Variants in COL6A5 observed in about 807,000 individuals in gnomAD.
The protein encoded by COL6A5 is collagen type VI alpha 5 chain, also known as collagen alpha-5(VI) chain.
In COL6A5, 48 loss-of-function variants were observed where a neutral mutation model predicts 65.6. The ratio of observed to expected loss-of-function variants is 0.73; its 90% CI spans 0.58 to 0.93. COL6A5 has a LOEUF of 0.93. Ranked by LOEUF, COL6A5 falls within the 40% of genes least tolerant of loss-of-function variation. COL6A5 has a pLI of 0.00. For missense variants in COL6A5, 914 were observed against 928.3 expected (o/e 0.98, Z 0.20); for synonymous variants, 291 against 322.8 (o/e 0.90, Z 1.05).
chr3:130,429,002 C>G (rs570552606), upstream of COL6A5, among the ~76,000 whole-genome samples: 1 of 152,166 alleles, frequency 6.6e-6, no homozygotes, highest in East Asian at 1.9e-4. Flanking sequence ...TTGAGGGAAC[C>G]AGATGCTGTT....
At chr3:130,367,519 T>C (rs1164055841) in intron 1 of COL6A5, among the ~76,000 whole-genome samples, 1 of 152,198 alleles carries the variant, frequency 6.6e-6, no homozygotes, top group Non-Finnish European at 1.5e-5. Context: ...TAAAGATGTA[T>C]CAAACATACT....
chr3:130,475,007 C>CAAAAAA (rs57263258), intron 7 of COL6A5, among the ~76,000 whole-genome samples: 1 of 65,054 alleles, frequency 1.5e-5, no homozygotes. Flanking sequence ...ACCATGTCTC[C>CAAAAAA]AAAAAAAAAA....
intron 17 of COL6A5, among the ~76,000 whole-genome samples, 167 bp downstream of exon 17, chr3:130,406,488 G>A (rs1419783585): frequency 6.6e-6 from 1 of 152,014 alleles, no homozygotes; most frequent in African/African-American, 2.4e-5. Flanking sequence ...TGAAGCAAGG[G>A]GGTAATTATG....
chr3:130,436,025 C>G (rs1709020281), intron 1 of COL6A5, among the ~76,000 whole-genome samples: 1 of 151,990 alleles, frequency 6.6e-6, no homozygotes, highest in African/African-American at 2.4e-5. Context: ...GATCCAATCT[C>G]AAGTGGAATT....
intron 1 of COL6A5, among the ~76,000 whole-genome samples, chr3:130,434,817 T>G (rs1455193266): frequency 6.6e-6 from 1 of 152,234 alleles, no homozygotes; most frequent in African/African-American, 2.4e-5. Context: ...ATGTTTAAGC[T>G]CCTTGTAAAT....
upstream of COL6A5, among the ~76,000 whole-genome samples, chr3:130,429,991 C>T (rs1937730512): frequency 1.3e-5 from 2 of 152,284 alleles, no homozygotes; most frequent in South Asian, 4.1e-4. Flanking sequence ...ACTGAGTGCC[C>T]ACTACTTGTA....
chr3:130,376,344 A>G, exon 3 of COL6A5: 6 of 1,613,804 alleles, frequency 3.7e-6, no homozygotes, highest in Non-Finnish European at 5.1e-6. Context: ...AATGATCAAC[A>G]GTCTCCCCAT....
chr3:130,435,708 G>T (rs1938012226), intron 1 of COL6A5, among the ~76,000 whole-genome samples: 1 of 152,130 alleles, frequency 6.6e-6, no homozygotes, highest in Non-Finnish European at 1.5e-5. Context: ...TTGTAAATGG[G>T]AGTTCACTCA....
Position 130,474,465 on chromosome 3 carries a change from A to G in COL6A5, c.2328+3498A>G, listed in dbSNP as rs374189208. Among the ~76,000 whole-genome samples, 128 of 152,200 alleles carry G rather than the reference A, an allele frequency of 8.4e-4. 1 individual carries two copies. The Middle Eastern group carries it at 0.014, about 16-fold the overall frequency. ...GTGAACAATTCTCAAAGAAAAAGAC[A>G]ACCAACATGCCAACCTCAAGGTGAC... On this transcript the variant is annotated intron_variant, in intron 7 of 7. Coordinates refer to ENST00000512836, the Ensembl canonical transcript of COL6A5.
At position 130,355,516 on chromosome 3, in the gene COL6A5, C is replaced by T. The variant is rs80139537; in HGVS notation, c.-29+9535C>T. Among the ~76,000 whole-genome samples the T allele has an allele frequency of 9.8e-3, 1,486 of 151,582 alleles. 16 individuals carry two copies. Among genetic ancestry groups the T allele is most frequent in the South Asian group, 0.08 (385 of 4,790 alleles). On this transcript the variant is annotated intron_variant and NMD_transcript_variant, in intron 1 of 41. Transcript: ENST00000312481. ...ACATTTTATTTACAAATTATTTTAC[C>T]AGTTTACCCTAAGTGAAAATTAGAG...
At chr3:130,449,768 A>G (rs540514838) in intron 4 of COL6A5, among the ~76,000 whole-genome samples, 66 of 152,278 alleles carry the variant, frequency 4.3e-4, no homozygotes, top group African/African-American at 1.4e-3. Flanking sequence ...GGTATTAGGT[A>G]GTAAAAGCAA....
intron 2 of COL6A5, among the ~76,000 whole-genome samples, chr3:130,374,165 T>C (rs1056290277): frequency 3.9e-5 from 6 of 152,162 alleles, no homozygotes; most frequent in African/African-American, 1.4e-4. Flanking sequence ...ATGGGTGTAC[T>C]TCCTGAGAAA....
At chr3:130,460,636 G>C (rs557466599) in intron 5 of COL6A5, among the ~76,000 whole-genome samples, 2 of 151,974 alleles carry the variant, frequency 1.3e-5, no homozygotes, top group African/African-American at 4.8e-5. Flanking sequence ...TGATGGAGGC[G>C]GTGGTGATGA....
chr3:130,384,790 C>A lies in COL6A5; in HGVS notation c.1301-14C>A. 1.3e-6 allele frequency: 2 copies of A among 1,515,846 alleles called. No homozygotes were observed. Among genetic ancestry groups the A allele is most frequent in the Admixed American group, 2.2e-5 (1 of 45,236 alleles). 93.9% of individuals were successfully genotyped at this position (1,515,846 alleles called of 1,614,324 possible). ...TAGGTTCTCTAATTTACAGAGAATGCACTTCTTTTTCAGGCTGTGTGGATA... is the reference window on the plus strand; with the variant it reads ...TAGGTTCTCTAATTTACAGAGAATGAACTTCTTTTTCAGGCTGTGTGGATA... On this transcript the variant is annotated splice_polypyrimidine_tract_variant and intron_variant and NMD_transcript_variant, in intron 4 of 41. Transcript: ENST00000312481.
Position 130,368,884 on chromosome 3 carries a change from T to G in COL6A5, c.-28-4727T>G, listed in dbSNP as rs866349829. Among the ~76,000 whole-genome samples, 15 of 152,272 alleles carry G rather than the reference T, an allele frequency of 9.9e-5. No individual in the cohort carries two copies. The Middle Eastern group carries it at 0.01, about 104-fold the overall frequency. On this transcript the variant is annotated intron_variant and NMD_transcript_variant, in intron 1 of 41. Transcript: ENST00000312481. ...ATGTGCCTTCCAGATGCTCCAGAAA[T>G]GGGATAAGGCACCAGGGAGGCTAAG...
At chr3:130,359,090 CTG>C (rs1399664083) in intron 1 of COL6A5, among the ~76,000 whole-genome samples, 6 of 152,150 alleles carry the variant, frequency 3.9e-5, no homozygotes, top group East Asian at 1.9e-4. Flanking sequence ...TCAATCCAGT[CTG>C]TGACAATTTT....
chr3:130,409,792 G>A (rs1167270582), intron 18 of COL6A5, among the ~76,000 whole-genome samples: 1 of 152,098 alleles, frequency 6.6e-6, no homozygotes, highest in Non-Finnish European at 1.5e-5. Context: ...CATGTAGCAG[G>A]CACCCTTTTA....
chr3:130,465,625 C>A (rs1331557205), intron 5 of COL6A5, among the ~76,000 whole-genome samples: 1 of 152,024 alleles, frequency 6.6e-6, no homozygotes, highest in African/African-American at 2.4e-5. Flanking sequence ...CCTTCCAGAA[C>A]TAAGCACATG....
At position 130,358,188 on chromosome 3, in the gene COL6A5, C is replaced by CA. The variant is rs918563318; in HGVS notation, c.-29+12218dup. Among the ~76,000 whole-genome samples, 634 of 148,792 alleles carry CA rather than the reference C, an allele frequency of 4.3e-3. 2 individuals are homozygous for CA. The highest frequency in any genetic ancestry group is 0.014 in the African/African-American group (563 of 39,710). Reference sequence around the variant, plus strand: ...TGGGTGACAGAGCAAGACTCCGTCTCAAAAAAAAAAATAAATAAATAAAAA... The same window carrying CA: ...TGGGTGACAGAGCAAGACTCCGTCTCAAAAAAAAAAAATAAATAAATAAAAA... On this transcript the variant is annotated intron_variant and NMD_transcript_variant, in intron 1 of 41. Coordinates refer to the COL6A5 transcript ENST00000312481.
Sources: gnomAD v4.1 joint callset for allele counts (sites outside exome capture counted in the v4.1 genomes callset) on GRCh38, gnomAD v4.1.1 for gene constraint, MANE v1.5 for transcripts, NCBI Gene and HGNC (gene_info 2026-07-23, HGNC 2026-07-21) for gene names.